PTPRD: variants seen among roughly 807,000 people sequenced by gnomAD.
The protein encoded by PTPRD is protein tyrosine phosphatase receptor type D.
Under a neutral mutation model 214.5 loss-of-function variants are expected in PTPRD, and 34 were observed. That is an observed-to-expected ratio of 0.16 (90% CI 0.12 to 0.21). The LOEUF is 0.21. Ranked by LOEUF, PTPRD falls within the 10% of genes least tolerant of loss-of-function variation. The pLI, the probability that PTPRD is intolerant of heterozygous loss-of-function variation, is 1.00. For missense variants in PTPRD, 2,545 were observed against 2,398.7 expected (o/e 1.06, Z -1.27); for synonymous variants, 1,128 against 845.7 (o/e 1.33, Z -5.79).
intron 2 of PTPRD, among the ~76,000 whole-genome samples, chr9:10,425,583 C>T (rs763755407): frequency 1.1e-4 from 17 of 152,096 alleles, no homozygotes; most frequent in Non-Finnish European, 1.9e-4. Flanking sequence ...ATACTAAACT[C>T]ATTTCAAACA....
intron 14 of PTPRD, among the ~76,000 whole-genome samples, chr9:8,574,653 T>C (rs1289886748): frequency 6.6e-6 from 1 of 152,040 alleles, no homozygotes; most frequent in Non-Finnish European, 1.5e-5. Flanking sequence ...GTTATTACTT[T>C]TAAAGTTCAA....
chr9:8,689,109 G>C (rs1050474207), intron 12 of PTPRD, among the ~76,000 whole-genome samples: 2 of 151,928 alleles, frequency 1.3e-5, no homozygotes, highest in Admixed American at 6.6e-5. Flanking sequence ...AATCAGGCTG[G>C]GCAATCACTA....
intron 4 of PTPRD, among the ~76,000 whole-genome samples, chr9:10,013,058 T>G (rs2096632901): frequency 6.6e-6 from 1 of 151,936 alleles, no homozygotes; most frequent in Non-Finnish European, 1.5e-5. Flanking sequence ...AAACGAGAAG[T>G]GGCAAATCAA....
chr9:9,802,163 G>C (rs765494880), intron 5 of PTPRD, among the ~76,000 whole-genome samples: 1 of 151,900 alleles, frequency 6.6e-6, no homozygotes, highest in Non-Finnish European at 1.5e-5. Flanking sequence ...CCAGGTGTGA[G>C]GTCCAATATG....
At chr9:9,335,127 T>A (rs1014595733) in intron 9 of PTPRD, among the ~76,000 whole-genome samples, 1 of 152,016 alleles carries the variant, frequency 6.6e-6, no homozygotes, top group East Asian at 1.9e-4. Flanking sequence ...AACTGAAAAT[T>A]TGGTTTTTGC....
intron 12 of PTPRD, among the ~76,000 whole-genome samples, chr9:8,722,165 G>A (rs1204971057): frequency 2.9e-5 from 4 of 138,880 alleles, no homozygotes; most frequent in Admixed American, 2.2e-4. Context: ...GTGTGTGTGT[G>A]TACAGAGAGA....
Position 10,219,824 on chromosome 9 carries a change from T to A in PTPRD, c.-545+121139A>T, listed in dbSNP as rs552656453. Among the ~76,000 whole-genome samples, 30 of 151,976 alleles carry A rather than the reference T, an allele frequency of 2.0e-4. No individual in the cohort carries two copies. The South Asian group carries it at 4.6e-3, about 23-fold the overall frequency. Reference sequence around the variant, plus strand: ...TTTCACTACCCTTGTTTTACTATTTTGTGGCTGTTAGCCACACAGAAGTAA... The same window carrying A: ...TTTCACTACCCTTGTTTTACTATTTAGTGGCTGTTAGCCACACAGAAGTAA... On this transcript the variant is annotated intron_variant, in intron 3 of 45. Coordinates refer to ENST00000381196, the MANE Select transcript of PTPRD (RefSeq NM_002839.4).
At position 8,923,480 on chromosome 9, in the gene PTPRD, A is replaced by G. The variant is rs574119200; in HGVS notation, c.-104+95217T>C. Among the ~76,000 whole-genome samples, 3 of 152,210 alleles carry G rather than the reference A, an allele frequency of 2.0e-5. No individual in the cohort carries two copies. The South Asian group carries it at 6.2e-4, about 32-fold the overall frequency. On this transcript the variant is annotated intron_variant, in intron 11 of 45. Coordinates refer to ENST00000381196, the MANE Select transcript of PTPRD (RefSeq NM_002839.4). The stretch of plus-strand genomic sequence containing the variant: ...CTGTGGCCCGTGGTCCAAACAGAAA[A>G]TAACTGGAGAAGATGAGGAGGTCAA...
At chr9:8,799,095 A>G (rs1273363128) in intron 11 of PTPRD, among the ~76,000 whole-genome samples, 1 of 152,170 alleles carries the variant, frequency 6.6e-6, no homozygotes, top group Admixed American at 6.5e-5. Flanking sequence ...TTAGAGTCCT[A>G]TGGTACTATA....
At chr9:8,370,039 G>A (rs556762737) in intron 39 of PTPRD, among the ~76,000 whole-genome samples, 1 of 151,932 alleles carries the variant, frequency 6.6e-6, no homozygotes, top group Admixed American at 6.6e-5. Flanking sequence ...GGAACAAAAC[G>A]GCCTTAGTTT....
intron 2 of PTPRD, among the ~76,000 whole-genome samples, chr9:10,477,555 T>C (rs1385208618): frequency 6.6e-6 from 1 of 152,148 alleles, no homozygotes; most frequent in East Asian, 1.9e-4. Context: ...AGTTCGACCA[T>C]TGTGGAAGAC....
chr9:10,166,243 G>GA (rs778596359), intron 3 of PTPRD, among the ~76,000 whole-genome samples: 5,676 of 76,132 alleles, frequency 0.075, 181 homozygotes, highest in African/African-American at 0.15. Flanking sequence ...CTGAAAAATT[G>GA]AAAAAAAAAA....
In PTPRD at chr9:8,949,478, C is replaced by G. The variant is rs1354456424; in HGVS notation, c.-104+69219G>C. ...ACAGTAAAAATGCAGCTGGATTAGT[C>G]ATAAATAATAATCACTTCCATTTAC... On this transcript the variant is annotated intron_variant, in intron 11 of 45. Coordinates refer to ENST00000381196, the MANE Select transcript of PTPRD (RefSeq NM_002839.4). Among the ~76,000 whole-genome samples the G allele has an allele frequency of 4.8e-5, 7 of 146,918 alleles. No homozygotes were observed. The South Asian group carries it at 1.6e-3, about 33-fold the overall frequency.
rs1206326997 is a variant in PTPRD, at chr9:10,598,801, C to G, written c.-600+13597G>C. Among the ~76,000 whole-genome samples the G allele has an allele frequency of 2.0e-5, 3 of 150,738 alleles. No individual in the cohort carries two copies. The East Asian group carries it at 5.9e-4, about 30-fold the overall frequency. The stretch of plus-strand genomic sequence containing the variant: ...AGAGTAGATAACAAAATATCTGAAT[C>G]ACCTATTACAGATTCAGAGAGTAAA... On this transcript the variant is annotated intron_variant, in intron 2 of 45. Coordinates refer to ENST00000381196, the MANE Select transcript of PTPRD (RefSeq NM_002839.4).
At chr9:9,420,854 G>T (rs2078546060) in intron 8 of PTPRD, among the ~76,000 whole-genome samples, 1 of 151,794 alleles carries the variant, frequency 6.6e-6, no homozygotes, top group African/African-American at 2.4e-5. Context: ...TATTTGTAAA[G>T]AAAAAATATC....
At chr9:9,520,286 G>C (rs377044553) in intron 8 of PTPRD, among the ~76,000 whole-genome samples, 5 of 75,852 alleles carry the variant, frequency 6.6e-5, no homozygotes, top group Non-Finnish European at 2.0e-4. Context: ...TATATATTAA[G>C]TTATATATAT....
At chr9:9,575,774 A>G (rs2088456494) in intron 7 of PTPRD, among the ~76,000 whole-genome samples, 1 of 119,834 alleles carries the variant, frequency 8.3e-6, no homozygotes, top group South Asian at 2.3e-4. Flanking sequence ...AAAAAGAAAA[A>G]GAAAGAAAAA....
At chr9:8,694,195 T>C (rs2097861820) in intron 12 of PTPRD, among the ~76,000 whole-genome samples, 1 of 152,102 alleles carries the variant, frequency 6.6e-6, no homozygotes, top group African/African-American at 2.4e-5. Flanking sequence ...CTGAATGAAA[T>C]AAATAATTTT....
chr9:9,312,005 C>T (rs1305332131), intron 9 of PTPRD, among the ~76,000 whole-genome samples: 16 of 152,150 alleles, frequency 1.1e-4, no homozygotes. Context: ...TTTTAATTTG[C>T]TAGTCCTGTT....
Sources: allele counts gnomAD v4.1 joint callset (sites outside exome capture counted in the v4.1 genomes callset), GRCh38; gene constraint gnomAD v4.1.1; transcripts MANE v1.5; gene names NCBI Gene and HGNC (gene_info 2026-07-23, HGNC 2026-07-21).